Variants in SGCD observed in about 807,000 individuals in gnomAD.
SGCD encodes sarcoglycan delta, also known as delta-sarcoglycan.
A neutral mutation model predicts 36.6 loss-of-function variants in SGCD; 18 were observed. That is an observed-to-expected ratio of 0.49 (90% CI 0.34 to 0.73). SGCD has a LOEUF of 0.73. SGCD is among the 30% of genes least tolerant of loss of function. The pLI is 0.01. For synonymous variants in SGCD, 133 were observed against 130.6 expected (o/e 1.02, Z -0.12); for missense variants, 387 against 346.7 (o/e 1.12, Z -0.92).
chr5:156,384,913 C>T (rs540668535), intron 3 of SGCD, among the ~76,000 whole-genome samples: 1 of 152,234 alleles, frequency 6.6e-6, no homozygotes, highest in South Asian at 2.1e-4. Context: ...CTGCAGTTCT[C>T]ATATGACCTA....
At chr5:156,647,207 C>T (rs572405019) in intron 6 of SGCD, among the ~76,000 whole-genome samples, 104 of 152,198 alleles carry the variant, frequency 6.8e-4, no homozygotes, top group Non-Finnish European at 1.2e-3. Context: ...TTTCTGAAGC[C>T]GAGATGGAAT....
At chr5:155,814,486 T>A in the SGCD span, among the ~76,000 whole-genome samples, 4 of 152,214 alleles carry the variant, frequency 2.6e-5, no homozygotes, top group Admixed American at 2.6e-4. Flanking sequence ...CTATTTCCTG[T>A]TCCAGACTCT....
In SGCD at chr5:156,371,098, T is replaced by C. The variant is rs563324710; in HGVS notation, c.192+26421T>C. On this transcript the variant is annotated intron_variant, in intron 3 of 8. Coordinates refer to ENST00000337851, the MANE Select transcript of SGCD (RefSeq NM_000337.6). ...TTCCCTTATTTAGAAAACTTGCAACTACAAATGTATTGAATTCATTTTCTT... is the reference window on the plus strand; with the variant it reads ...TTCCCTTATTTAGAAAACTTGCAACCACAAATGTATTGAATTCATTTTCTT... Among the ~76,000 whole-genome samples, 5 of 152,310 alleles carry C rather than the reference T, an allele frequency of 3.3e-5. No individual in the cohort carries two copies. The South Asian group carries it at 1.0e-3, about 32-fold the overall frequency.
chr5:156,571,156 C>T (rs1313944740), intron 4 of SGCD, among the ~76,000 whole-genome samples: 4 of 152,172 alleles, frequency 2.6e-5, no homozygotes, highest in Admixed American at 2.0e-4. Context: ...AGTGATTCTC[C>T]TGCCACAGCC....
intron 3 of SGCD, among the ~76,000 whole-genome samples, chr5:156,238,287 A>G (rs749760156): frequency 1.1e-4 from 17 of 152,206 alleles, no homozygotes; most frequent in Non-Finnish European, 2.4e-4. Context: ...GTTTGATTTT[A>G]TACTTTTGTT....
the SGCD span, among the ~76,000 whole-genome samples, chr5:155,730,736 T>A: frequency 6.6e-6 from 1 of 152,162 alleles, no homozygotes; most frequent in Admixed American, 6.5e-5. Flanking sequence ...CTGTTGACGC[T>A]TGCCCCAGTG....
At chr5:156,400,907 C>A (rs1772113085) in intron 3 of SGCD, among the ~76,000 whole-genome samples, 1 of 152,146 alleles carries the variant, frequency 6.6e-6, no homozygotes, top group South Asian at 2.1e-4. Context: ...CTGCATTTGG[C>A]TCTTATGTTT....
intron 1 of SGCD, among the ~76,000 whole-genome samples, chr5:155,966,709 T>A (rs1332056400): frequency 6.6e-6 from 1 of 152,106 alleles, no homozygotes; most frequent in Non-Finnish European, 1.5e-5. Context: ...TCTTAAATTC[T>A]TGGAGCTGTG....
At chr5:156,108,049 A>T (rs568607486) in intron 1 of SGCD, among the ~76,000 whole-genome samples, 1 of 152,104 alleles carries the variant, frequency 6.6e-6, no homozygotes, top group Non-Finnish European at 1.5e-5. Flanking sequence ...AAAGGAATGA[A>T]GTACATTGTC....
chr5:156,071,335 T>G (rs973358369), intron 1 of SGCD, among the ~76,000 whole-genome samples: 4 of 152,240 alleles, frequency 2.6e-5, no homozygotes, highest in African/African-American at 9.6e-5. Flanking sequence ...GTTGTATCTT[T>G]GTTCTCATTG....
At chr5:156,149,572 G>A (rs1048222647) in intron 3 of SGCD, among the ~76,000 whole-genome samples, 54 of 152,258 alleles carry the variant, frequency 3.5e-4, no homozygotes, top group Non-Finnish European at 2.9e-5. Flanking sequence ...TTCAGCCCTT[G>A]AAGAACAGAC....
At chr5:156,269,042 G>T (rs192915759) in intron 3 of SGCD, among the ~76,000 whole-genome samples, 9 of 152,230 alleles carry the variant, frequency 5.9e-5, no homozygotes, top group Admixed American at 3.9e-4. Flanking sequence ...AAGAACAAGA[G>T]ATTTAATTGG....
intron 3 of SGCD, among the ~76,000 whole-genome samples, chr5:156,262,423 G>T (rs565816229): frequency 6.6e-6 from 1 of 152,194 alleles, no homozygotes; most frequent in East Asian, 1.9e-4. Flanking sequence ...TGTGTATTAG[G>T]CTCTATCATC....
At chr5:156,162,378 TG>T (rs1463005243) in intron 3 of SGCD, among the ~76,000 whole-genome samples, 4 of 151,386 alleles carry the variant, frequency 2.6e-5, no homozygotes, top group Non-Finnish European at 4.4e-5. Flanking sequence ...GTGTTAAACT[TG>T]GTAGCCAGAG....
intron 1 of SGCD, among the ~76,000 whole-genome samples, chr5:155,917,188 C>T (rs1756763669): frequency 6.6e-6 from 1 of 152,118 alleles, no homozygotes; most frequent in Admixed American, 6.5e-5. Context: ...CACTTCTCAC[C>T]TCTGACTCCA....
chr5:156,744,492 T>A (rs1420845456), intron 7 of SGCD, among the ~76,000 whole-genome samples: 3 of 152,180 alleles, frequency 2.0e-5, no homozygotes, highest in Non-Finnish European at 4.4e-5. Context: ...GGTGGGAGAT[T>A]GTCGTGGGTT....
chr5:156,556,673 T>A (rs1006452042), intron 4 of SGCD, among the ~76,000 whole-genome samples: 1 of 152,198 alleles, frequency 6.6e-6, no homozygotes, highest in East Asian at 1.9e-4. Flanking sequence ...TGTAGACTTT[T>A]ACCAGTTTAA....
intron 1 of SGCD, among the ~76,000 whole-genome samples, chr5:155,950,555 C>G (rs1313599400): frequency 6.6e-6 from 1 of 152,078 alleles, no homozygotes; most frequent in Admixed American, 6.5e-5. Flanking sequence ...TGGATGAGCA[C>G]CATACCAATC....
At chr5:156,631,590 A>G (rs542964602) in intron 6 of SGCD, among the ~76,000 whole-genome samples, 1 of 151,598 alleles carries the variant, frequency 6.6e-6, no homozygotes, top group South Asian at 2.1e-4. Flanking sequence ...AAAAACTATT[A>G]AAGGCTCACA....
Sources: allele counts gnomAD v4.1 joint callset (sites outside exome capture counted in the v4.1 genomes callset), GRCh38; gene constraint gnomAD v4.1.1; transcripts MANE v1.5; gene names NCBI Gene and HGNC (gene_info 2026-07-23, HGNC 2026-07-21).